AOX1: variants seen among roughly 807,000 people sequenced by gnomAD.
The protein encoded by AOX1 is aldehyde oxidase 1.
Under a neutral mutation model 169.5 loss-of-function variants are expected in AOX1, and 153 were observed. That is an observed-to-expected ratio of 0.90 (90% CI 0.79 to 1.03). The LOEUF is 1.03. Among genes scored for constraint, AOX1 ranks in the 50% least tolerant of loss-of-function variants. The pLI, the probability that AOX1 is intolerant of heterozygous loss-of-function variation, is 0.00. For synonymous variants in AOX1, 562 were observed against 581.9 expected (o/e 0.97, Z 0.49); for missense variants, 1,656 against 1,663.9 (o/e 1.00, Z 0.08).
chr2:200,612,703 AT>A lies in AOX1; in HGVS notation c.1359del (p.Asp453GlufsTer40). 2 of 1,614,066 alleles carry A rather than the reference AT, an allele frequency of 1.2e-6. No individual in the cohort carries two copies. The highest frequency in any genetic ancestry group is 1.7e-6 in the Non-Finnish European group (2 of 1,179,992). ...SGMRVFFGEG[D>X]GIIRELCISY... ...ATGAGAGTCTTTTTTGGAGAAGGGG[AT>A]GGCATTATTAGAGAGTTATGCATCT... On this transcript the variant is annotated frameshift_variant, in exon 14 of 35. Transcript: ENST00000374700. LOFTEE classifies it high-confidence loss of function.
chr2:200,656,709 C>A (rs2035692284), intron 26 of AOX1, 133 bp from the exon 27 acceptor site: 10 of 484,198 alleles, frequency 2.1e-5, no homozygotes, highest in Non-Finnish European at 2.7e-5. Context: ...CAAAAAGAAA[C>A]CTAAAATGTT....
At chr2:200,618,303 A>G (rs1046166800) in intron 16 of AOX1, among the ~76,000 whole-genome samples, 1 of 152,248 alleles carries the variant, frequency 6.6e-6, no homozygotes, top group Non-Finnish European at 1.5e-5. Flanking sequence ...TACAAAACTG[A>G]AGTTTACATT....
intron 5 of AOX1, among the ~76,000 whole-genome samples, chr2:200,601,386 T>C (rs183246535): frequency 1.3e-5 from 2 of 152,316 alleles, no homozygotes; most frequent in African/African-American, 4.8e-5. Flanking sequence ...AGATACTGTA[T>C]AGCATAATGC....
intron 32 of AOX1, 72 bp from the exon 33 acceptor site, chr2:200,668,543 G>A: frequency 7.6e-7 from 1 of 1,311,866 alleles, no homozygotes; most frequent in South Asian, 1.4e-5. Flanking sequence ...CAAACAGCAT[G>A]AAGTTGAAAT....
chr2:200,657,205 T>A (rs1442429415), intron 27 of AOX1, among the ~76,000 whole-genome samples: 3 of 134,370 alleles, frequency 2.2e-5, no homozygotes, highest in Non-Finnish European at 3.2e-5. Context: ...TTTTTTTTTT[T>A]AATTAGCAGG....
At chr2:200,643,710 G>A (rs10180210) in intron 25 of AOX1, among the ~76,000 whole-genome samples, 17,614 of 151,600 alleles carry the variant, frequency 0.12, 1,543 homozygotes, top group East Asian at 0.49. Context: ...CCACATCCAC[G>A]CCAACATGTA....
chr2:200,628,336 T>C (rs578119204), intron 20 of AOX1, among the ~76,000 whole-genome samples: 1 of 152,048 alleles, frequency 6.6e-6, no homozygotes, highest in Non-Finnish European at 1.5e-5. Context: ...TATTAACACA[T>C]ATTCTATTAA....
intron 34 of AOX1, among the ~76,000 whole-genome samples, chr2:200,670,081 G>A (rs1197307587): frequency 6.6e-6 from 1 of 152,006 alleles, no homozygotes; most frequent in Non-Finnish European, 1.5e-5. Flanking sequence ...CTGAACCTAG[G>A]ACACCCAGTC....
At chr2:200,667,546 G>A (rs1392464712) in intron 32 of AOX1, among the ~76,000 whole-genome samples, 1 of 151,676 alleles carries the variant, frequency 6.6e-6, no homozygotes, top group Admixed American at 6.6e-5. Flanking sequence ...GGAAGTGGGT[G>A]TGAACCAGGT....
chr2:200,657,181 TATA>T (rs1264010672), intron 27 of AOX1, among the ~76,000 whole-genome samples: 18 of 70,504 alleles, frequency 2.6e-4, no homozygotes, highest in African/African-American at 7.9e-4. Flanking sequence ...TATATATATA[TATA>T]TATATATTTT....
intron 20 of AOX1, among the ~76,000 whole-genome samples, chr2:200,631,176 A>G (rs1300346308): frequency 6.6e-6 from 1 of 152,240 alleles, no homozygotes; most frequent in Non-Finnish European, 1.5e-5. Flanking sequence ...TCCCGGTGTC[A>G]CAGCACCAGA....
intron 25 of AOX1, among the ~76,000 whole-genome samples, chr2:200,645,157 T>C (rs1230478852): frequency 6.6e-6 from 1 of 152,078 alleles, no homozygotes; most frequent in Admixed American, 6.6e-5. Context: ...CATTCAATAT[T>C]ATGTTGAATG....
At chr2:200,634,653 A>C (rs777704381) in intron 20 of AOX1, 138 bp from the exon 21 acceptor site, 1 of 1,066,562 alleles carries the variant, frequency 9.4e-7, no homozygotes, top group Non-Finnish European at 1.3e-6. Flanking sequence ...TGAAAGCTAA[A>C]CATTGTTGTT....
At chr2:200,614,078 A>C in intron 15 of AOX1, 112 bp downstream of exon 15, 2 of 1,021,938 alleles carry the variant, frequency 2.0e-6, no homozygotes, top group Non-Finnish European at 1.4e-6. Context: ...GACAATCCAC[A>C]TTAGAAACAC....
At chr2:200,608,864 A>G (rs1191727553) in intron 10 of AOX1, 120 bp from the exon 11 acceptor site, 1 of 844,052 alleles carries the variant, frequency 1.2e-6, no homozygotes, top group Non-Finnish European at 1.8e-6. Context: ...CACCACCATC[A>G]CCAATAAGCA....
chr2:200,603,698 T>A (rs568560162), intron 7 of AOX1, among the ~76,000 whole-genome samples: 2 of 152,276 alleles, frequency 1.3e-5, no homozygotes, highest in South Asian at 2.1e-4. Context: ...GTAGAACAAG[T>A]AGAGACAGGA....
In AOX1 at chr2:200,604,117, G is replaced by A. The variant is rs1343797359; in HGVS notation, c.669+20G>A. 2 of 1,542,704 alleles carry A rather than the reference G, an allele frequency of 1.3e-6. No individual in the cohort carries two copies. Among genetic ancestry groups the A allele is most frequent in the Non-Finnish European group, 1.8e-6 (2 of 1,115,130 alleles). Reference sequence around the variant, plus strand: ...CTAATGGTGAGTAAAGCAATGTTGAGCTCATCCTAGAAGAATTCATGGTGA... The same window carrying A: ...CTAATGGTGAGTAAAGCAATGTTGAACTCATCCTAGAAGAATTCATGGTGA... On this transcript the variant is annotated intron_variant, in intron 8 of 34. Transcript: ENST00000374700.
intron 25 of AOX1, 106 bp downstream of exon 25, chr2:200,642,907 A>C (rs2105749053): frequency 8.9e-7 from 1 of 1,122,074 alleles, no homozygotes; most frequent in South Asian, 1.6e-5. Flanking sequence ...GGGGCAAATG[A>C]TTTGTGCCAA....
intron 9 of AOX1, among the ~76,000 whole-genome samples, chr2:200,605,225 G>A (rs17532973): frequency 0.11 from 16,786 of 152,104 alleles, 1,104 homozygotes; most frequent in Non-Finnish European, 0.15. Flanking sequence ...TTAAACAACC[G>A]CTACAGGGTC....
Sources: gnomAD v4.1 joint callset for allele counts (sites outside exome capture counted in the v4.1 genomes callset) on GRCh38, gnomAD v4.1.1 for gene constraint, MANE v1.5 for transcripts, NCBI Gene and HGNC (gene_info 2026-07-23, HGNC 2026-07-21) for gene names.